Variants in TUBG1 observed in about 807,000 individuals in gnomAD.
TUBG1 encodes tubulin gamma 1.
In TUBG1, 22 loss-of-function variants were observed where a neutral mutation model predicts 53.3. The ratio of observed to expected loss-of-function variants is 0.41; its 90% confidence interval spans 0.29 to 0.59. TUBG1 has a LOEUF of 0.59. Ranked by LOEUF, TUBG1 falls within the 20% of genes least tolerant of loss-of-function variation. TUBG1 has a pLI of 0.26. For missense variants in TUBG1, 217 were observed against 598.9 expected (o/e 0.36, Z 6.66); for synonymous variants, 198 against 236.7 (o/e 0.84, Z 1.50).
chr17:42,614,719 C>T lies in TUBG1; in HGVS notation c.1158+62C>T. Reference sequence around the variant, plus strand: ...AGTTTCCTGACTATACCTCACCTCTCTGCATCTGCTGGCCCTGCTTCTAGC... The same window carrying T: ...AGTTTCCTGACTATACCTCACCTCTTTGCATCTGCTGGCCCTGCTTCTAGC... On this transcript the variant is annotated intron_variant, in intron 10 of 10. Transcript: ENST00000251413. This position sits in a 1 kb window ranked among gnomAD's most constrained non-coding sequence, Gnocchi z 5.1. The T allele has an allele frequency of 6.2e-7, 1 of 1,606,666 alleles. No homozygotes were observed. The highest frequency in any genetic ancestry group is 8.5e-7 in the Non-Finnish European group (1 of 1,175,230).
At chr17:42,613,539 C>G in intron 6 of TUBG1, 108 bp from the exon 7 acceptor site, 1 of 1,550,188 alleles carries the variant, frequency 6.5e-7, no homozygotes, top group Non-Finnish European at 8.9e-7. Context: ...TCCAGTGAGT[C>G]TTTCTGGCCA....
In TUBG1 at chr17:42,615,192, CTCTTA is replaced by C; in HGVS notation, c.*153_*157del. Reference sequence around the variant, plus strand: ...TGGCCTGCAAACACATTTACTTCTCCTCTTATGAGACTATTTATCTTTAATAAAGC... The same window carrying C: ...TGGCCTGCAAACACATTTACTTCTCCTGAGACTATTTATCTTTAATAAAGC... On this transcript the variant is annotated 3_prime_UTR_variant, in exon 11 of 11. Transcript: ENST00000251413. The C allele has an allele frequency of 1.5e-6, 1 of 670,192 alleles. No individual in the cohort carries two copies. The highest frequency in any genetic ancestry group is 2.9e-5 in the Admixed American group (1 of 34,330). The allele number at this position is 670,192 out of a possible 1,614,324, so 41.5% of individuals were successfully genotyped here.
Position 42,610,485 on chromosome 17 carries a change from C to G in TUBG1, c.225C>G (p.His75Gln). ...VLLDLEPRVI[H>Q]SILNSPYAKL... The stretch of plus-strand genomic sequence containing the variant: ...TGGACTTGGAACCCCGGGTGATCCA[C>G]TCCATCCTCAACTCCCCCTATGCCA... Residue 75 changes from histidine to glutamine, a missense_variant, in exon 3 of 11, where the codon CAC (histidine) becomes CAG (glutamine). His to Gln is a conservative substitution (Grantham distance 24). This residue lies in a region of TUBG1 where 57 missense variants were observed against 169.3 expected (regional missense o/e 0.34). Coordinates refer to ENST00000251413, the MANE Select transcript of TUBG1 (RefSeq NM_001070.5). 2 of 1,613,610 alleles carry G rather than the reference C, an allele frequency of 1.2e-6. No individual in the cohort carries two copies. The highest frequency in any genetic ancestry group is 1.7e-6 in the Non-Finnish European group (2 of 1,179,508).
In TUBG1 at chr17:42,613,710, T is replaced by A; in HGVS notation, c.670T>A (p.Ser224Thr). 3.1e-6 allele frequency: 5 copies of A among 1,614,046 alleles called. No homozygotes were observed. The highest frequency in any genetic ancestry group is 4.2e-6 in the Non-Finnish European group (5 of 1,179,984). Residue 224 changes from serine (S) to threonine (T), a missense_variant, in exon 7 of 11, where the codon TCC becomes ACC. Ser to Thr is a moderately conservative substitution (Grantham distance 58). This residue lies in a region of TUBG1 where 135 missense variants were observed against 371.2 expected (regional missense o/e 0.36). Coordinates refer to ENST00000251413, the MANE Select transcript of TUBG1 (RefSeq NM_001070.5). ...ATDRLHIQNP[S>T]FSQINQLVST... is the part of the protein sequence containing the mutation. ...AGACCGCCTGCACATCCAGAACCCA[T>A]CCTTCTCCCAGATCAACCAGCTGGT...
At chr17:42,610,882 T>C (rs920449761) in intron 3 of TUBG1, 3 of 360,814 alleles carry the variant, frequency 8.3e-6, no homozygotes, top group Non-Finnish European at 1.5e-5. Flanking sequence ...CAGAAAGCCA[T>C]GAAACCAAAG....
intron 3 of TUBG1, 73 bp from the exon 4 acceptor site, chr17:42,612,002 G>T: frequency 2.1e-6 from 3 of 1,405,378 alleles, no homozygotes. Context: ...AAGGAGAATT[G>T]AGGGTGGCTT....
chr17:42,613,600 T>C (rs781275011), intron 6 of TUBG1, 47 bp from the exon 7 acceptor site: 1 of 1,613,834 alleles, frequency 6.2e-7, no homozygotes, highest in Non-Finnish European at 8.5e-7. Flanking sequence ...GCAGAGCTCC[T>C]GTTTTTCTTA....
In TUBG1 at chr17:42,614,788, T is replaced by C; in HGVS notation, c.1159-56T>C. The C allele has an allele frequency of 6.2e-7, 1 of 1,611,870 alleles. No individual in the cohort carries two copies. The highest frequency in any genetic ancestry group is 1.1e-5 in the South Asian group (1 of 90,914). On this transcript the variant is annotated intron_variant, in intron 10 of 10. Coordinates refer to ENST00000251413, the MANE Select transcript of TUBG1 (RefSeq NM_001070.5). This position sits in a 1 kb window ranked among gnomAD's most constrained non-coding sequence, Gnocchi z 5.1. The stretch of plus-strand genomic sequence containing the variant: ...GCCCAGCCTTGGTTCCCCAGCTTTC[T>C]GGGCCACGTTATTCTTTGAAGTTCT...
Position 42,609,698 on chromosome 17 carries a change from T to G in TUBG1, c.-40T>G, listed in dbSNP as rs769738998. 2 of 1,537,074 alleles carry G rather than the reference T, an allele frequency of 1.3e-6. No homozygotes were observed. The highest frequency in any genetic ancestry group is 1.4e-5 in the African/African-American group (1 of 72,586). ...CGAGCGGGCTGGCGTGCGGCGCCGT[T>G]GCGGGCGGGAGCGGCTGCAACGCCG... On this transcript the variant is annotated 5_prime_UTR_variant, in exon 1 of 11. Transcript: ENST00000251413.
intron 6 of TUBG1, among the ~76,000 whole-genome samples, chr17:42,613,307 G>A (rs547146899): frequency 6.6e-6 from 1 of 152,104 alleles, no homozygotes; most frequent in East Asian, 1.9e-4. Flanking sequence ...AAAATTAGTC[G>A]GGAGTGGTGA....
At position 42,614,769 on chromosome 17, in the gene TUBG1, C is replaced by G; in HGVS notation, c.1159-75C>G. On this transcript the variant is annotated intron_variant, in intron 10 of 10. Transcript: ENST00000251413. This position sits in a 1 kb window ranked among gnomAD's most constrained non-coding sequence, Gnocchi z 5.1. ...CTTTTTTGCTGTGGGCATAGCCCAGCCTTGGTTCCCCAGCTTTCTGGGCCA... is the reference window on the plus strand; with the variant it reads ...CTTTTTTGCTGTGGGCATAGCCCAGGCTTGGTTCCCCAGCTTTCTGGGCCA... 6.2e-7 allele frequency: 1 copy of G among 1,608,998 alleles called. No individual in the cohort carries two copies. The highest frequency in any genetic ancestry group is 8.5e-7 in the Non-Finnish European group (1 of 1,176,834).
chr17:42,609,707 G>C lies in TUBG1; in HGVS notation c.-31G>C. On this transcript the variant is annotated 5_prime_UTR_variant, in exon 1 of 11. Transcript: ENST00000251413. The stretch of plus-strand genomic sequence containing the variant: ...TGGCGTGCGGCGCCGTTGCGGGCGG[G>C]AGCGGCTGCAACGCCGGTGCCTGAG... The C allele has an allele frequency of 1.9e-6, 3 of 1,542,382 alleles. No homozygotes were observed. The highest frequency in any genetic ancestry group is 2.6e-6 in the Non-Finnish European group (3 of 1,142,894).
chr17:42,613,735 T>G lies in TUBG1; in HGVS notation c.693+2T>G, dbSNP rs112953971. The G allele has an allele frequency of 6.2e-7, 1 of 1,614,058 alleles. No individual in the cohort carries two copies. Among genetic ancestry groups the G allele is most frequent in the Non-Finnish European group, 8.5e-7 (1 of 1,179,998 alleles). On this transcript the variant is annotated splice_donor_variant, in intron 7 of 10. Transcript: ENST00000251413. LOFTEE classifies it high-confidence loss of function. ...TCCTTCTCCCAGATCAACCAGCTGG[T>G]GGGCCCCCACTCCTGGACTCCTTTG...
In TUBG1 at chr17:42,613,187, T is replaced by G. The variant is rs1379366003; in HGVS notation, c.606+114T>G. The G allele has an allele frequency of 6.8e-6, 10 of 1,467,410 alleles. No homozygotes were observed. The African/African-American group carries it at 1.4e-4, about 20-fold the overall frequency. The allele number at this position is 1,467,410 out of a possible 1,614,324, so 90.9% of individuals were successfully genotyped here. ...CATTTTAGCCAGGTGCAGTGGCTCA[T>G]GACTGTAATCCCATCACTTTGGGAG... On this transcript the variant is annotated intron_variant, in intron 6 of 10. Coordinates refer to ENST00000251413, the MANE Select transcript of TUBG1 (RefSeq NM_001070.5).
At position 42,615,098 on chromosome 17, in the gene TUBG1, C is replaced by A; in HGVS notation, c.*57C>A. 6.4e-7 allele frequency: 1 copy of A among 1,572,068 alleles called. No individual in the cohort carries two copies. Among genetic ancestry groups the A allele is most frequent in the South Asian group, 1.1e-5 (1 of 89,040 alleles). On this transcript the variant is annotated 3_prime_UTR_variant, in exon 11 of 11. Transcript: ENST00000251413. ...ACTGGTTGGCCCAAGCCCTGCCTGACTGACCACCCCCTCAGAGCACAGATC... is the reference window on the plus strand; with the variant it reads ...ACTGGTTGGCCCAAGCCCTGCCTGAATGACCACCCCCTCAGAGCACAGATC...
At position 42,613,536 on chromosome 17, in the gene TUBG1, A is replaced by C. The variant is rs1003935631; in HGVS notation, c.607-111A>C. ...GGTCAGTGCAAATCTCTTTCCAGTG[A>C]GTCTTTCTGGCCATGAAGCTCAAAG... On this transcript the variant is annotated intron_variant, in intron 6 of 10. Transcript: ENST00000251413. 3.3e-6 allele frequency: 5 copies of C among 1,525,502 alleles called. No individual in the cohort carries two copies. In the Admixed American group the frequency reaches 5.2e-5, roughly 16 times the overall value. The allele number at this position is 1,525,502 out of a possible 1,614,324, so 94.5% of individuals were successfully genotyped here. A position where few individuals can be genotyped will look rare whatever the true frequency, so the allele number is the denominator to read the frequency against.
chr17:42,609,931 AC>A, intron 1 of TUBG1, 145 bp downstream of exon 1: 1 of 1,329,206 alleles, frequency 7.5e-7, no homozygotes, highest in Non-Finnish European at 1.0e-6. Flanking sequence ...CACTTGCCCA[AC>A]CCCGAGGGGC....
At chr17:42,610,685 T>A (rs1371200262) in intron 3 of TUBG1, 95 bp downstream of exon 3, 31 of 1,568,256 alleles carry the variant, frequency 2.0e-5, no homozygotes, top group Non-Finnish European at 2.3e-5. Flanking sequence ...CAGGGATGTA[T>A]GAATGCTGGA....
Position 42,612,848 on chromosome 17 carries a change from C to T in TUBG1, c.480-99C>T, listed in dbSNP as rs964384979. 2.4e-5 allele frequency: 37 copies of T among 1,519,356 alleles called. No individual in the cohort carries two copies. In the African/African-American group the frequency reaches 3.3e-4, roughly 14 times the overall value. The allele number at this position is 1,519,356 out of a possible 1,614,324, so 94.1% of individuals were successfully genotyped here. A position where few individuals can be genotyped will look rare whatever the true frequency, so the allele number is the denominator to read the frequency against. On this transcript the variant is annotated intron_variant, in intron 5 of 10. Coordinates refer to ENST00000251413, the MANE Select transcript of TUBG1 (RefSeq NM_001070.5). ...TACTGATTTGACCCCACCCCAGTTT[C>T]GCCATCAAGATTTATCTGCTTCTGG...
Sources: allele counts gnomAD v4.1 joint callset (sites outside exome capture counted in the v4.1 genomes callset), GRCh38; gene constraint gnomAD v4.1.1; regional missense constraint gnomAD v4.1.1; non-coding constraint Gnocchi (gnomAD v3.1); transcripts MANE v1.5; gene names NCBI Gene and HGNC (gene_info 2026-07-23, HGNC 2026-07-21).